Variants in LPP observed in about 807,000 individuals in gnomAD.
LPP encodes the protein LIM domain containing preferred translocation partner in lipoma, also known as lipoma-preferred partner.
In LPP, 38 loss-of-function variants were observed where a neutral mutation model predicts 60.4. The observed-to-expected ratio is 0.63, with a 90% CI of 0.49 to 0.83. LPP has a LOEUF of 0.83. Ranked by LOEUF, LPP falls within the 40% of genes least tolerant of loss-of-function variation. The probability of loss-of-function intolerance (pLI) is 0.00; values close to 1 mark genes in which losing one functional copy is unlikely to be tolerated. For synonymous variants in LPP, 328 were observed against 290.8 expected (o/e 1.13, Z -1.30); for missense variants, 902 against 783.6 (o/e 1.15, Z -1.80).
chr3:188,287,192 C>T (rs1263384654), intron 2 of LPP, among the ~76,000 whole-genome samples: 4 of 152,342 alleles, frequency 2.6e-5, no homozygotes, highest in East Asian at 1.9e-4. Context: ...TGAGCCACTG[C>T]GCCTGGCCAA....
chr3:188,752,742 G>A (rs372600528), intron 8 of LPP, among the ~76,000 whole-genome samples: 3 of 152,238 alleles, frequency 2.0e-5, no homozygotes, highest in African/African-American at 7.2e-5. Flanking sequence ...TTTGGCACTA[G>A]CCATCACTGC....
intron 6 of LPP, among the ~76,000 whole-genome samples, chr3:188,535,543 G>C (rs1157404183): frequency 1.3e-5 from 2 of 152,120 alleles, no homozygotes; most frequent in African/African-American, 4.8e-5. Context: ...ACATGACAAA[G>C]TTATAGCTGC....
At chr3:188,821,586 A>G (rs1753976123) in intron 9 of LPP, among the ~76,000 whole-genome samples, 1 of 152,048 alleles carries the variant, frequency 6.6e-6, no homozygotes, top group African/African-American at 2.4e-5. Flanking sequence ...CTTCTTTTAA[A>G]CTAAAATTAC....
intron 9 of LPP, among the ~76,000 whole-genome samples, chr3:188,865,168 C>T (rs552468034): frequency 5.9e-5 from 9 of 152,198 alleles, no homozygotes; most frequent in East Asian, 1.9e-4. Context: ...ACATGTGAAA[C>T]GTGGTTGTTT....
In LPP at chr3:188,248,800, G is replaced by T. The variant is rs531658781; in HGVS notation, c.-67+23273G>T. ...TCCCTGCCCTCCCTTGCACCAGTTC[G>T]TTTGGTAATTTTTAATCCCAAAAGC... On this transcript the variant is annotated intron_variant, in intron 2 of 11. Coordinates refer to ENST00000617246, the MANE Select transcript of LPP (RefSeq NM_001375462.1). 5.9e-5 allele frequency among the ~76,000 whole-genome samples: 9 copies of T among 152,032 alleles called. No homozygotes were observed. The South Asian group carries it at 1.9e-3, about 32-fold the overall frequency.
rs976943701 is a variant in LPP at position 188,245,973 on chromosome 3, A to T, written c.-67+20446A>T. ...TTCTGTTTCTTGACTGTAATTGTTG[A>T]AATGTATTTTCAAAGTTTTTTACTT... is the stretch of plus-strand genomic sequence containing the variant. On this transcript the variant is annotated intron_variant, in intron 2 of 11. Coordinates refer to ENST00000617246, the MANE Select transcript of LPP (RefSeq NM_001375462.1). 3.3e-5 allele frequency among the ~76,000 whole-genome samples: 5 copies of T among 152,294 alleles called. 1 individual carries two copies. The Middle Eastern group carries it at 0.01, about 311-fold the overall frequency.
intron 2 of LPP, among the ~76,000 whole-genome samples, chr3:188,307,807 C>T (rs1317238864): frequency 1.3e-5 from 2 of 152,148 alleles, no homozygotes; most frequent in Non-Finnish European, 2.9e-5. Flanking sequence ...ACTTTATTAA[C>T]ACAGGGAATA....
At chr3:188,540,303 T>C (rs942601029) in intron 6 of LPP, among the ~76,000 whole-genome samples, 4 of 152,216 alleles carry the variant, frequency 2.6e-5, no homozygotes. Context: ...TATTTCTTTC[T>C]TTGCTTTTGT....
intron 4 of LPP, among the ~76,000 whole-genome samples, chr3:188,479,742 A>G (rs1323326398): frequency 1.3e-5 from 2 of 152,236 alleles, no homozygotes; most frequent in Non-Finnish European, 2.9e-5. Flanking sequence ...AAGGGCTGCT[A>G]TCTAAATCCT....
intron 6 of LPP, among the ~76,000 whole-genome samples, chr3:188,591,036 C>T (rs899669710): frequency 6.6e-6 from 1 of 152,146 alleles, no homozygotes; most frequent in African/African-American, 2.4e-5. Context: ...TATATTTCCT[C>T]CTTCCCTCTG....
At chr3:188,569,051 G>T (rs1005878381) in intron 6 of LPP, 1 of 151,916 alleles carries the variant, frequency 6.6e-6, no homozygotes, top group African/African-American at 2.4e-5. Context: ...AGAAGAAATT[G>T]CAATTGTGAA....
At chr3:188,745,124 T>G (rs1261761842) in intron 8 of LPP, among the ~76,000 whole-genome samples, 3 of 152,110 alleles carry the variant, frequency 2.0e-5, no homozygotes, top group Admixed American at 6.6e-5. Context: ...ATTAATAGCT[T>G]TCTTATATGA....
At chr3:188,760,023 G>A (rs1468639229) in intron 8 of LPP, 90 bp from the exon 9 acceptor site, 9 of 1,107,362 alleles carry the variant, frequency 8.1e-6, no homozygotes, top group East Asian at 2.4e-5. Flanking sequence ...TATTGCTGCT[G>A]ACGTTATGAA....
intron 8 of LPP, among the ~76,000 whole-genome samples, chr3:188,745,074 CA>C (rs568571302): frequency 9.4e-4 from 143 of 152,118 alleles, no homozygotes; most frequent in African/African-American, 3.3e-3. Context: ...TTTTTCTTAT[CA>C]GCATCCCTCC....
At chr3:188,434,112 C>T (rs1050948737) in intron 4 of LPP, among the ~76,000 whole-genome samples, 5 of 152,124 alleles carry the variant, frequency 3.3e-5, no homozygotes, top group Non-Finnish European at 1.5e-5. Context: ...TTTTTGAATT[C>T]TCTGCTTGTT....
intron 5 of LPP, among the ~76,000 whole-genome samples, chr3:188,489,769 G>A (rs572893189): frequency 3.3e-5 from 5 of 152,180 alleles, no homozygotes; most frequent in Non-Finnish European, 4.4e-5. Context: ...TGATGGCTTT[G>A]AATTCAGGGG....
chr3:188,652,631 G>A (rs1219770727), intron 7 of LPP, among the ~76,000 whole-genome samples: 1 of 152,186 alleles, frequency 6.6e-6, no homozygotes, highest in Non-Finnish European at 1.5e-5. Flanking sequence ...TGACTTGAGG[G>A]GACAGCCCTG....
At chr3:188,809,947 C>G (rs371061443) in intron 9 of LPP, among the ~76,000 whole-genome samples, 22 of 152,178 alleles carry the variant, frequency 1.4e-4, no homozygotes, top group African/African-American at 5.3e-4. Context: ...AACCCTTTCC[C>G]CATTGCTTGT....
intron 9 of LPP, among the ~76,000 whole-genome samples, chr3:188,825,263 C>CTT (rs1272019929): frequency 9.7e-6 from 1 of 103,496 alleles, no homozygotes; most frequent in African/African-American, 3.6e-5. Context: ...CTCTCTCTCT[C>CTT]TCTCTCTGTG....
Sources: gnomAD v4.1 joint callset for allele counts (sites outside exome capture counted in the v4.1 genomes callset) on GRCh38, gnomAD v4.1.1 for gene constraint, MANE v1.5 for transcripts, NCBI Gene and HGNC (gene_info 2026-07-23, HGNC 2026-07-21) for gene names.